The following SIPA1L1 variants were observed in gnomAD, a reference collection of about 807,000 sequenced individuals.
The protein encoded by SIPA1L1 is signal induced proliferation associated 1 like 1.
A neutral mutation model predicts 162.7 loss-of-function variants in SIPA1L1; 26 were observed. The observed-to-expected ratio is 0.16, with a 90% CI of 0.12 to 0.22. The LOEUF (loss-of-function observed/expected upper bound fraction) is 0.22, where lower values mean the gene tolerates loss of function less well. SIPA1L1 is among the 10% of genes least tolerant of loss of function. The pLI is 1.00. For missense variants in SIPA1L1, 1,874 were observed against 2,241.0 expected, an observed-to-expected ratio of 0.84 and a Z score of 3.31; for synonymous variants, 829 against 837.4, an observed-to-expected ratio of 0.99 and a Z score of 0.17.
intron 12 of SIPA1L1, among the ~76,000 whole-genome samples, chr14:71,674,608 A>G (rs1360021818): frequency 7.2e-6 from 1 of 138,416 alleles, no homozygotes; most frequent in Admixed American, 7.7e-5. Flanking sequence ...TCTGTCGCCC[A>G]GGCTGGAGTG....
intron 2 of SIPA1L1, among the ~76,000 whole-genome samples, chr14:71,353,760 G>C (rs1005679721): frequency 1.3e-5 from 2 of 152,032 alleles, no homozygotes; most frequent in African/African-American, 4.8e-5. Context: ...ACTGGGATGT[G>C]GAAGAAAGAA....
At chr14:71,495,010 G>A (rs1476309306) in intron 2 of SIPA1L1, among the ~76,000 whole-genome samples, 1 of 152,190 alleles carries the variant, frequency 6.6e-6, no homozygotes, top group Non-Finnish European at 1.5e-5. Flanking sequence ...GGAATTACAG[G>A]TGGGAGCCAC....
At position 71,369,946 on chromosome 14, in the gene SIPA1L1, T is replaced by C. The variant is rs200107717; in HGVS notation, c.-465+48765T>C. 1.5e-3 allele frequency among the ~76,000 whole-genome samples: 187 copies of C among 126,232 alleles called. 1 individual carries two copies. In the East Asian group the frequency reaches 0.032, roughly 22 times the overall value. The allele number at this position is 126,232 out of a possible 152,430, so 82.8% of individuals were successfully genotyped here. A position where few individuals can be genotyped will look rare whatever the true frequency, so the allele number is the denominator to read the frequency against. The stretch of plus-strand genomic sequence containing the variant: ...GCAATTGTGAATGGGAGTTCACTCA[T>C]GATTTGGCTCTCTGTTTGTCTGTTG... On this transcript the variant is annotated intron_variant, in intron 2 of 23. Transcript: ENST00000381232.
At chr14:71,574,979 A>G (rs2032772372) in intron 4 of SIPA1L1, 1 of 152,214 alleles carries the variant, frequency 6.6e-6, no homozygotes, top group Non-Finnish European at 1.5e-5. Context: ...CATTAAAGAA[A>G]GATACTTTGT....
At chr14:71,690,154 G>T (rs1472685694) in intron 13 of SIPA1L1, among the ~76,000 whole-genome samples, 3 of 152,130 alleles carry the variant, frequency 2.0e-5, no homozygotes, top group African/African-American at 7.2e-5. Context: ...TTCGTGCCTT[G>T]CCATGAGGAT....
intron 2 of SIPA1L1, among the ~76,000 whole-genome samples, chr14:71,448,146 A>G (rs1243002624): frequency 3.9e-5 from 6 of 152,148 alleles, no homozygotes; most frequent in Non-Finnish European, 7.3e-5. Context: ...CCCCTTGGCT[A>G]TTACATGGCA....
intron 2 of SIPA1L1, among the ~76,000 whole-genome samples, chr14:71,358,068 C>T (rs2037444907): frequency 6.6e-6 from 1 of 152,016 alleles, no homozygotes; most frequent in Non-Finnish European, 1.5e-5. Flanking sequence ...GCCATGTTGC[C>T]CAGGCTGGTC....
chr14:71,672,432 G>A lies in SIPA1L1; in HGVS notation c.2914G>A (p.Gly972Ser). 6.2e-7 allele frequency: 1 copy of A among 1,614,232 alleles called. No individual in the cohort carries two copies. The highest frequency in any genetic ancestry group is 8.5e-7 in the Non-Finnish European group (1 of 1,180,034). Residue 972 changes from glycine to serine, a missense_variant, in exon 12 of 24, where the codon GGC (glycine) becomes AGC (serine). Gly to Ser is a moderately conservative substitution (Grantham distance 56). Coordinates refer to ENST00000381232, the MANE Select transcript of SIPA1L1 (RefSeq NM_001386936.1). ...GQLGFHVNYE[G>S]IVADVEPYGY... ...GCTTGGCTTCCATGTCAACTATGAGGGCATTGTGGCGGATGTGGAGCCCTA... is the reference window on the plus strand; with the variant it reads ...GCTTGGCTTCCATGTCAACTATGAGAGCATTGTGGCGGATGTGGAGCCCTA...
At chr14:71,676,113 A>T (rs2045144102) in intron 12 of SIPA1L1, among the ~76,000 whole-genome samples, 1 of 143,462 alleles carries the variant, frequency 7.0e-6, no homozygotes, top group African/African-American at 2.5e-5. Context: ...CAAATGATTC[A>T]CCAGCCTTCT....
Position 71,598,976 on chromosome 14 carries a change from G to C in SIPA1L1, c.1498+9606G>C, listed in dbSNP as rs144890640. Among the ~76,000 whole-genome samples, 451 of 151,956 alleles carry C rather than the reference G, an allele frequency of 3.0e-3. 2 individuals are homozygous for C. The highest frequency in any genetic ancestry group is 0.015 in the South Asian group (73 of 4,806). On this transcript the variant is annotated intron_variant, in intron 5 of 23. Transcript: ENST00000381232. Reference sequence around the variant, plus strand: ...CCACTTCCACCTACACACCCTTCCTGGTCTCTGATATCTATCGTTACACTC... The same window carrying C: ...CCACTTCCACCTACACACCCTTCCTCGTCTCTGATATCTATCGTTACACTC...
intron 2 of SIPA1L1, among the ~76,000 whole-genome samples, chr14:71,372,236 G>A (rs1028047598): frequency 1.3e-5 from 2 of 152,078 alleles, no homozygotes; most frequent in African/African-American, 4.8e-5. Flanking sequence ...GGAAGCAATT[G>A]GGTGGTAATG....
intron 5 of SIPA1L1, among the ~76,000 whole-genome samples, chr14:71,606,403 G>A (rs1437183595): frequency 6.6e-6 from 1 of 152,154 alleles, no homozygotes; most frequent in African/African-American, 2.4e-5. Flanking sequence ...GGGGATGTTG[G>A]TGGGGTTCCA....
At chr14:71,381,711 T>G (rs2039920602) in intron 2 of SIPA1L1, among the ~76,000 whole-genome samples, 1 of 152,190 alleles carries the variant, frequency 6.6e-6, no homozygotes, top group African/African-American at 2.4e-5. Flanking sequence ...CAGACTTACT[T>G]TGGTCCTTTG....
chr14:71,399,129 A>G (rs570885874), intron 2 of SIPA1L1, among the ~76,000 whole-genome samples: 13 of 147,052 alleles, frequency 8.8e-5, no homozygotes, highest in South Asian at 4.1e-4. Context: ...ACTGACCACT[A>G]TGATGCTCAT....
chr14:71,523,182 C>T (rs1473292611), intron 3 of SIPA1L1, among the ~76,000 whole-genome samples: 1 of 150,870 alleles, frequency 6.6e-6, no homozygotes, highest in African/African-American at 2.4e-5. Flanking sequence ...ATTTACAGTC[C>T]CTTATTTGCT....
At chr14:71,362,430 T>C (rs17109257) in intron 2 of SIPA1L1, among the ~76,000 whole-genome samples, 2,571 of 152,272 alleles carry the variant, frequency 0.017, 70 homozygotes, top group African/African-American at 0.059. Context: ...GATGGAAGGC[T>C]GGGGTTTGAG....
intron 2 of SIPA1L1, among the ~76,000 whole-genome samples, chr14:71,486,935 C>T (rs935449171): frequency 1.4e-4 from 21 of 152,022 alleles, no homozygotes; most frequent in Non-Finnish European, 1.2e-4. Context: ...TAAAATTATC[C>T]GGTCTTTCTT....
At chr14:71,371,981 G>A (rs181553568) in intron 2 of SIPA1L1, among the ~76,000 whole-genome samples, 1 of 152,288 alleles carries the variant, frequency 6.6e-6, no homozygotes, top group East Asian at 1.9e-4. Flanking sequence ...TAACATGATT[G>A]CTGAATGGTT....
intron 2 of SIPA1L1, among the ~76,000 whole-genome samples, chr14:71,430,756 T>C (rs1265461960): frequency 1.3e-5 from 2 of 152,218 alleles, no homozygotes; most frequent in African/African-American, 2.4e-5. Context: ...GGGCAGCTTT[T>C]GCACAGGGCA....
Sources: gnomAD v4.1 joint callset for allele counts (sites outside exome capture counted in the v4.1 genomes callset) on GRCh38, gnomAD v4.1.1 for gene constraint, MANE v1.5 for transcripts, NCBI Gene and HGNC (gene_info 2026-07-23, HGNC 2026-07-21) for gene names.